The following MYO1E variants were observed in gnomAD, a reference collection of about 807,000 sequenced individuals.
MYO1E encodes the protein myosin IE, also known as unconventional myosin-Ie.
MYO1E carries 68 observed loss-of-function variants against 151.1 expected under a neutral mutation model. The ratio of observed to expected loss-of-function variants is 0.45; its 90% confidence interval spans 0.37 to 0.55. The LOEUF (loss-of-function observed/expected upper bound fraction) is 0.55, where lower values mean the gene tolerates loss of function less well. Ranked by LOEUF, MYO1E falls within the 20% of genes least tolerant of loss-of-function variation. The probability of loss-of-function intolerance (pLI) is 0.00; values close to 1 mark genes in which losing one functional copy is unlikely to be tolerated. For synonymous variants in MYO1E, 601 were observed against 501.7 expected (o/e 1.20, Z -2.64); for missense variants, 1,363 against 1,389.3 (o/e 0.98, Z 0.30).
intron 16 of MYO1E, among the ~76,000 whole-genome samples, chr15:59,197,888 G>T (rs540552350): frequency 3.3e-5 from 5 of 152,310 alleles, no homozygotes; most frequent in East Asian, 1.9e-4. Flanking sequence ...TTGAAACAGG[G>T]TCTTGCTCTG....
At chr15:59,358,454 A>C (rs1486059163) in intron 1 of MYO1E, among the ~76,000 whole-genome samples, 2 of 152,138 alleles carry the variant, frequency 1.3e-5, no homozygotes, top group Non-Finnish European at 2.9e-5. Context: ...AAAGGACACT[A>C]GTTGGAAGAT....
At chr15:59,335,179 C>A (rs2080720849) in intron 1 of MYO1E, among the ~76,000 whole-genome samples, 1 of 152,158 alleles carries the variant, frequency 6.6e-6, no homozygotes, top group East Asian at 1.9e-4. Flanking sequence ...TAGCTCATGG[C>A]TTTATATTTT....
At chr15:59,295,243 G>A (rs1049543855) in intron 1 of MYO1E, among the ~76,000 whole-genome samples, 3 of 152,036 alleles carry the variant, frequency 2.0e-5, no homozygotes, top group Admixed American at 6.6e-5. Flanking sequence ...CACTGAATTG[G>A]GAGAGAGGAG....
chr15:59,323,681 G>A (rs1288493738), intron 1 of MYO1E, among the ~76,000 whole-genome samples: 2 of 151,936 alleles, frequency 1.3e-5, no homozygotes, highest in Non-Finnish European at 2.9e-5. Context: ...AAAATTAAGG[G>A]TGATTTGGAG....
intron 26 of MYO1E, among the ~76,000 whole-genome samples, chr15:59,142,970 T>TCG (rs1184095145): frequency 1.4e-5 from 2 of 144,286 alleles, no homozygotes. Context: ...AAACTAGAGA[T>TCG]CGTAAGTCTC....
At chr15:59,323,431 T>C (rs1250800826) in intron 1 of MYO1E, among the ~76,000 whole-genome samples, 2 of 151,562 alleles carry the variant, frequency 1.3e-5, no homozygotes, top group Admixed American at 6.6e-5. Context: ...AGGTGGGAGA[T>C]GGCAAGGTCA....
intron 4 of MYO1E, among the ~76,000 whole-genome samples, chr15:59,249,716 T>C (rs2080152594): frequency 6.6e-6 from 1 of 152,210 alleles, no homozygotes; most frequent in African/African-American, 2.4e-5. Flanking sequence ...TTTCCAGCCA[T>C]GCCAGAATCC....
At chr15:59,311,722 C>T (rs1475365337) in intron 1 of MYO1E, among the ~76,000 whole-genome samples, 2 of 152,102 alleles carry the variant, frequency 1.3e-5, no homozygotes, top group East Asian at 1.9e-4. Flanking sequence ...ATCCCCAATG[C>T]GACAGTGCTG....
intron 13 of MYO1E, among the ~76,000 whole-genome samples, chr15:59,209,371 AGTTT>A (rs1470324223): frequency 6.6e-6 from 1 of 152,094 alleles, no homozygotes; most frequent in Non-Finnish European, 1.5e-5. Context: ...GATATGCTAT[AGTTT>A]GTTTAATAAC....
In MYO1E at chr15:59,272,370, G is replaced by A. The variant is rs780744709; in HGVS notation, c.83C>T (p.Ser28Phe). The change falls in exon 2 of 28, where the codon TCC (serine) becomes TTC (phenylalanine). Residue 28 changes from serine (S) to phenylalanine (F), a missense_variant. Transcript: ENST00000288235. Reference protein sequence around the residue: ...HSGVDDMVLLSKITENSIVEN... With the variant: ...HSGVDDMVLLFKITENSIVEN... ...CACGATGGAGTTCTCTGTGATCTTGGACAGTAGCACCATGTCGTCCACACC... is the reference window on the plus strand; with the variant it reads ...CACGATGGAGTTCTCTGTGATCTTGAACAGTAGCACCATGTCGTCCACACC... 2 of 1,613,966 alleles carry A rather than the reference G, an allele frequency of 1.2e-6. No individual in the cohort carries two copies. Among genetic ancestry groups the A allele is most frequent in the Non-Finnish European group, 1.7e-6 (2 of 1,179,940 alleles).
chr15:59,348,050 G>A (rs533252167), intron 1 of MYO1E, among the ~76,000 whole-genome samples: 1 of 152,276 alleles, frequency 6.6e-6, no homozygotes, highest in African/African-American at 2.4e-5. Flanking sequence ...AGATTTTGAA[G>A]CCTCATCCCA....
At chr15:59,242,627 G>A (rs546052176) in intron 4 of MYO1E, among the ~76,000 whole-genome samples, 1 of 152,298 alleles carries the variant, frequency 6.6e-6, no homozygotes, top group South Asian at 2.1e-4. Flanking sequence ...CAGGTGTCCA[G>A]GAGTCATTAA....
In MYO1E at chr15:59,287,178, A is replaced by G. The variant is rs550079690; in HGVS notation, c.4-14729T>C. The stretch of plus-strand genomic sequence containing the variant: ...GTGGGGAAAATTAAGAACAAGCTTG[A>G]TAATTCAACTAAAAGCCCTAGGATA... On this transcript the variant is annotated intron_variant, in intron 1 of 27. Transcript: ENST00000288235. 1.4e-4 allele frequency among the ~76,000 whole-genome samples: 21 copies of G among 152,306 alleles called. 1 individual carries two copies. In the South Asian group the frequency reaches 4.4e-3, roughly 32 times the overall value.
chr15:59,285,679 CAATT>C (rs1418223661), intron 1 of MYO1E, among the ~76,000 whole-genome samples: 1 of 151,786 alleles, frequency 6.6e-6, no homozygotes, highest in East Asian at 1.9e-4. Flanking sequence ...ATAATAAAAT[CAATT>C]AATTAATTAG....
chr15:59,229,154 A>AAAATG (rs2080010529), intron 6 of MYO1E, among the ~76,000 whole-genome samples: 1 of 152,184 alleles, frequency 6.6e-6, no homozygotes, highest in African/African-American at 2.4e-5. Flanking sequence ...CAGTTGAGGG[A>AAAATG]AAATGAAACC....
At chr15:59,281,264 T>C (rs1037068726) in intron 1 of MYO1E, among the ~76,000 whole-genome samples, 3 of 151,788 alleles carry the variant, frequency 2.0e-5, no homozygotes, top group Admixed American at 6.6e-5. Flanking sequence ...CCTTTTCTTT[T>C]CTTTTTCTTT....
At chr15:59,175,685 T>G (rs1323156709) in intron 19 of MYO1E, among the ~76,000 whole-genome samples, 1 of 152,230 alleles carries the variant, frequency 6.6e-6, no homozygotes, top group Non-Finnish European at 1.5e-5. Flanking sequence ...TTGATATTTC[T>G]TATCTTGTGT....
intron 22 of MYO1E, among the ~76,000 whole-genome samples, chr15:59,169,167 C>A (rs1395454391): frequency 6.6e-6 from 1 of 152,204 alleles, no homozygotes; most frequent in African/African-American, 2.4e-5. Context: ...TAAGATCAAG[C>A]TTATGGGATA....
chr15:59,274,878 T>C (rs2080308994), intron 1 of MYO1E, among the ~76,000 whole-genome samples: 2 of 152,188 alleles, frequency 1.3e-5, no homozygotes, highest in Non-Finnish European at 2.9e-5. Flanking sequence ...TATCACTCGA[T>C]ACTGAAGATT....
Sources: gnomAD v4.1 joint callset for allele counts (sites outside exome capture counted in the v4.1 genomes callset) on GRCh38, gnomAD v4.1.1 for gene constraint, MANE v1.5 for transcripts, NCBI Gene and HGNC (gene_info 2026-07-23, HGNC 2026-07-21) for gene names.